AGBL4: variants seen among roughly 807,000 people sequenced by gnomAD.
AGBL4 encodes the protein AGBL carboxypeptidase 4.
A neutral mutation model predicts 66.4 loss-of-function variants in AGBL4; 58 were observed. That is an observed-to-expected ratio of 0.87 (90% confidence interval 0.71 to 1.09). The LOEUF is 1.09. AGBL4 is among the 50% of genes least tolerant of loss of function. The pLI, the probability that AGBL4 is intolerant of heterozygous loss-of-function variation, is 0.00. For missense variants in AGBL4, 579 were observed against 631.0 expected (o/e 0.92, Z 0.88); for synonymous variants, 234 against 222.9 (o/e 1.05, Z -0.44).
downstream of AGBL4, among the ~76,000 whole-genome samples, chr1:48,528,319 C>A (rs1643890413): frequency 6.6e-6 from 1 of 152,070 alleles, no homozygotes; most frequent in African/African-American, 2.4e-5. Flanking sequence ...GGCTTCCAAC[C>A]TGAGCAATTA....
chr1:49,108,729 A>C (rs1471077688), intron 4 of AGBL4, among the ~76,000 whole-genome samples: 1 of 152,194 alleles, frequency 6.6e-6, no homozygotes, highest in East Asian at 1.9e-4. Flanking sequence ...TTAACATAAC[A>C]TGAATTTTTT....
chr1:49,981,392 A>T lies in AGBL4; in HGVS notation c.34+42371T>A, dbSNP rs535612454. On this transcript the variant is annotated intron_variant, in intron 1 of 13. Coordinates refer to ENST00000371839, the MANE Select transcript of AGBL4 (RefSeq NM_032785.4). ...GATTAGAGAATGAGTATATATTTAT[A>T]TGTCTTAAAGTGTGTATGTACCATT... is the stretch of plus-strand genomic sequence containing the variant. Among the ~76,000 whole-genome samples, 33 of 152,282 alleles carry T rather than the reference A, an allele frequency of 2.2e-4. No individual in the cohort carries two copies. The South Asian group carries it at 6.8e-3, about 32-fold the overall frequency.
At chr1:49,823,810 A>C (rs201455594) in intron 2 of AGBL4, among the ~76,000 whole-genome samples, 1 of 50,048 alleles carries the variant, frequency 2.0e-5, no homozygotes, top group African/African-American at 6.6e-5. Context: ...GTGTGTGTGT[A>C]CATACACACA....
intron 6 of AGBL4, among the ~76,000 whole-genome samples, chr1:48,779,993 T>C (rs935865789): frequency 6.6e-6 from 1 of 152,008 alleles, no homozygotes; most frequent in African/African-American, 2.4e-5. Context: ...GGATTACAGA[T>C]GTGAGCCACC....
intron 3 of AGBL4, among the ~76,000 whole-genome samples, chr1:49,302,386 G>A (rs1644761386): frequency 6.6e-6 from 1 of 151,466 alleles, no homozygotes; most frequent in Non-Finnish European, 1.5e-5. Context: ...CCGAGTAGCT[G>A]GGACTACAGG....
chr1:49,939,564 C>T (rs1226568433), intron 1 of AGBL4, among the ~76,000 whole-genome samples: 5 of 151,976 alleles, frequency 3.3e-5, no homozygotes, highest in Admixed American at 2.0e-4. Flanking sequence ...CTACAACTAT[C>T]TGATCTTTGA....
chr1:48,996,856 T>TTCCTTCCA (rs1661050181), intron 5 of AGBL4, among the ~76,000 whole-genome samples: 1 of 151,728 alleles, frequency 6.6e-6, no homozygotes, highest in Non-Finnish European at 1.5e-5. Context: ...CCTTCCTTCC[T>TTCCTTCCA]GTCTACTTAT....
intron 3 of AGBL4, among the ~76,000 whole-genome samples, chr1:49,246,397 G>T (rs1302156926): frequency 6.6e-6 from 1 of 151,800 alleles, no homozygotes; most frequent in Non-Finnish European, 1.5e-5. Context: ...GAACAAAATT[G>T]CTATTAAAAC....
At chr1:48,723,324 G>C (rs955747863) in intron 6 of AGBL4, among the ~76,000 whole-genome samples, 1 of 152,164 alleles carries the variant, frequency 6.6e-6, no homozygotes, top group Non-Finnish European at 1.5e-5. Flanking sequence ...ATGGACTCTT[G>C]GGTGGGAATA....
intron 4 of AGBL4, among the ~76,000 whole-genome samples, chr1:49,233,354 A>G (rs1344592264): frequency 6.6e-6 from 1 of 152,236 alleles, no homozygotes; most frequent in Non-Finnish European, 1.5e-5. Context: ...TTGATTTATA[A>G]CCAAAAAGAT....
At chr1:48,787,037 T>A (rs1645425938) in intron 6 of AGBL4, among the ~76,000 whole-genome samples, 1 of 152,212 alleles carries the variant, frequency 6.6e-6, no homozygotes, top group Admixed American at 6.5e-5. Context: ...GGTACTATTA[T>A]TATTAGCCTC....
intron 3 of AGBL4, among the ~76,000 whole-genome samples, chr1:49,599,041 G>C (rs1297882201): frequency 6.6e-6 from 1 of 152,156 alleles, no homozygotes; most frequent in Non-Finnish European, 1.5e-5. Context: ...TTGTTGATCA[G>C]GGATATTGGC....
chr1:49,841,679 C>G (rs2148040752), intron 2 of AGBL4: 1 of 218,566 alleles, frequency 4.6e-6, no homozygotes, highest in South Asian at 7.1e-5. Flanking sequence ...AAAATAGAGG[C>G]AGAAGAAATT....
At chr1:48,646,555 G>GTGTGTGTGTGTGT (rs1553200336) in intron 8 of AGBL4, among the ~76,000 whole-genome samples, 1 of 149,928 alleles carries the variant, frequency 6.7e-6, no homozygotes, top group African/African-American at 2.5e-5. Context: ...GTGTGTGTGT[G>GTGTGTGTGTGTGT]CTGGTGCTGG....
chr1:49,854,474 T>C (rs954634983), intron 1 of AGBL4, among the ~76,000 whole-genome samples: 3 of 152,158 alleles, frequency 2.0e-5, no homozygotes, highest in Non-Finnish European at 4.4e-5. Flanking sequence ...GAAAGTCATA[T>C]GGAGTCCATT....
At chr1:48,633,785 T>C (rs1645626892) in intron 9 of AGBL4, among the ~76,000 whole-genome samples, 1 of 152,226 alleles carries the variant, frequency 6.6e-6, no homozygotes, top group Admixed American at 6.5e-5. Context: ...AAACAAGAAC[T>C]TGCCCCAGGG....
At chr1:49,486,233 T>G (rs994428629) in intron 3 of AGBL4, among the ~76,000 whole-genome samples, 2 of 152,052 alleles carry the variant, frequency 1.3e-5, no homozygotes, top group African/African-American at 4.8e-5. Flanking sequence ...CAATTACCTT[T>G]ACGGAAATAC....
intron 6 of AGBL4, among the ~76,000 whole-genome samples, chr1:48,689,433 T>TTCA (rs1557880462): frequency 2.1e-5 from 3 of 145,460 alleles, no homozygotes; most frequent in African/African-American, 8.2e-5. Context: ...TCCTTTCTTC[T>TTCA]TTCCTTCCCT....
At chr1:49,916,419 A>T (rs959726790) in intron 1 of AGBL4, among the ~76,000 whole-genome samples, 3 of 152,232 alleles carry the variant, frequency 2.0e-5, no homozygotes, top group Admixed American at 6.5e-5. Context: ...ACCATGGCAC[A>T]AGAACTACGT....
Sources: gnomAD v4.1 joint callset for allele counts (sites outside exome capture counted in the v4.1 genomes callset) on GRCh38, gnomAD v4.1.1 for gene constraint, MANE v1.5 for transcripts, NCBI Gene and HGNC (gene_info 2026-07-23, HGNC 2026-07-21) for gene names.